The following ZFHX4 variants were observed in gnomAD, a reference collection of about 807,000 sequenced individuals.
ZFHX4 encodes zinc finger homeobox 4, also known as zinc finger homeobox protein 4.
Under a neutral mutation model 267.6 loss-of-function variants are expected in ZFHX4, and 56 were observed. The observed-to-expected ratio is 0.21, with a 90% CI of 0.17 to 0.26. The LOEUF is 0.26. Ranked by LOEUF, ZFHX4 falls within the 10% of genes least tolerant of loss-of-function variation. The probability of loss-of-function intolerance (pLI) is 1.00; values close to 1 mark genes in which losing one functional copy is unlikely to be tolerated. For missense variants in ZFHX4, 4,332 were observed against 4,420.0 expected (o/e 0.98, Z 0.56); for synonymous variants, 1,778 against 1,665.6 (o/e 1.07, Z -1.64).
At chr8:76,823,385 A>G (rs550092700) in intron 4 of ZFHX4, among the ~76,000 whole-genome samples, 2 of 152,316 alleles carry the variant, frequency 1.3e-5, no homozygotes, top group East Asian at 3.9e-4. Context: ...CTGTTTGCTC[A>G]TTAATGAATG....
chr8:76,753,377 CATTAGCA>C (rs1262302787), intron 3 of ZFHX4, among the ~76,000 whole-genome samples: 2 of 152,120 alleles, frequency 1.3e-5, no homozygotes, highest in Non-Finnish European at 2.9e-5. Flanking sequence ...CCCCTGTCTC[CATTAGCA>C]ATTAATTTAT....
At position 76,849,718 on chromosome 8, in the gene ZFHX4, G is replaced by T. The variant is rs1185447253; in HGVS notation, c.3846+6G>T. On this transcript the variant is annotated splice_donor_region_variant and intron_variant, in intron 8 of 10. Coordinates refer to ENST00000651372, the MANE Select transcript of ZFHX4 (RefSeq NM_024721.5). ...TGGAGAAGCTGCTTATGACAGTAAG[G>T]ATACCAAATATTGATGCATGTGTGA... 2.2e-5 allele frequency: 36 copies of T among 1,610,698 alleles called. No individual in the cohort carries two copies. Among genetic ancestry groups the T allele is most frequent in the Non-Finnish European group, 2.8e-5 (33 of 1,177,510 alleles).
At chr8:76,856,528 A>G (rs1315544843) in intron 10 of ZFHX4, among the ~76,000 whole-genome samples, 1 of 152,184 alleles carries the variant, frequency 6.6e-6, no homozygotes, top group African/African-American at 2.4e-5. Context: ...AGATTCTCAG[A>G]TATATATTAA....
chr8:76,831,923 A>T (rs1289588973), intron 4 of ZFHX4, among the ~76,000 whole-genome samples: 2 of 150,446 alleles, frequency 1.3e-5, no homozygotes, highest in Non-Finnish European at 3.0e-5. Context: ...TTTATTTGGA[A>T]GCTACTTGTG....
In ZFHX4 at chr8:76,863,083, G is replaced by A. The variant is rs1210983189; in HGVS notation, c.9380-11G>A. 1.3e-6 allele frequency: 2 copies of A among 1,495,628 alleles called. No homozygotes were observed. The highest frequency in any genetic ancestry group is 2.5e-5 in the East Asian group (1 of 40,550). The allele number at this position is 1,495,628 out of a possible 1,614,324, so 92.6% of individuals were successfully genotyped here. On this transcript the variant is annotated splice_polypyrimidine_tract_variant and intron_variant, in intron 10 of 10. Coordinates refer to ENST00000651372, the MANE Select transcript of ZFHX4 (RefSeq NM_024721.5). ...CATTGACAGTGGCCATCTCTCTGTT[G>A]TTGTTTTCAGCTTTAACACCTCCCG...
intron 4 of ZFHX4, among the ~76,000 whole-genome samples, chr8:76,823,016 A>C (rs191378159): frequency 2.0e-5 from 3 of 152,062 alleles, no homozygotes; most frequent in African/African-American, 7.2e-5. Flanking sequence ...CTCTTGACCT[A>C]ATCTTGGACT....
intron 3 of ZFHX4, among the ~76,000 whole-genome samples, chr8:76,750,916 T>C (rs1448245570): frequency 6.6e-6 from 1 of 152,170 alleles, no homozygotes; most frequent in Admixed American, 6.6e-5. Flanking sequence ...ACGAATTGAT[T>C]ACTGTATTTG....
At chr8:76,793,127 C>A (rs952922387) in intron 4 of ZFHX4, among the ~76,000 whole-genome samples, 6 of 152,094 alleles carry the variant, frequency 3.9e-5, no homozygotes, top group African/African-American at 1.4e-4. Context: ...GGGCATTATT[C>A]TGCTGCTTCT....
At chr8:76,725,623 G>A (rs935734078) in intron 3 of ZFHX4, among the ~76,000 whole-genome samples, 6 of 152,034 alleles carry the variant, frequency 3.9e-5, no homozygotes, top group Admixed American at 6.6e-5. Context: ...CTTATTGATC[G>A]TTACCAGTTG....
intron 10 of ZFHX4, among the ~76,000 whole-genome samples, chr8:76,862,698 C>A (rs1212843507): frequency 6.6e-6 from 1 of 152,068 alleles, no homozygotes; most frequent in African/African-American, 2.4e-5. Flanking sequence ...AGTCTGCCTT[C>A]CCAGAGGTAT....
intron 1 of ZFHX4, among the ~76,000 whole-genome samples, chr8:76,691,889 A>C (rs1392032828): frequency 1.3e-5 from 2 of 152,154 alleles, no homozygotes; most frequent in Non-Finnish European, 2.9e-5. Flanking sequence ...TTGGTAAAGC[A>C]AGTCTACACA....
At chr8:76,825,521 G>T (rs1418958774) in intron 4 of ZFHX4, among the ~76,000 whole-genome samples, 3 of 152,224 alleles carry the variant, frequency 2.0e-5, no homozygotes, top group Non-Finnish European at 4.4e-5. Context: ...TGTAGCAGAA[G>T]TTGGCAATTT....
At chr8:76,728,967 T>C (rs1354674374) in intron 3 of ZFHX4, among the ~76,000 whole-genome samples, 1 of 152,202 alleles carries the variant, frequency 6.6e-6, no homozygotes, top group East Asian at 1.9e-4. Context: ...CTCATGATGA[T>C]GAATACTACC....
At position 76,812,710 on chromosome 8, in the gene ZFHX4, T is replaced by A. The variant is rs1811407817; in HGVS notation, c.3326-20628T>A. Among the ~76,000 whole-genome samples, 3 of 152,156 alleles carry A rather than the reference T, an allele frequency of 2.0e-5. No individual in the cohort carries two copies. The South Asian group carries it at 6.2e-4, about 32-fold the overall frequency. Reference sequence around the variant, plus strand: ...TCTCCATCTTTTAACGTCAATGAGTTAAAGAAAGGAAAGAGTTATATTTTT... The same window carrying A: ...TCTCCATCTTTTAACGTCAATGAGTAAAAGAAAGGAAAGAGTTATATTTTT... On this transcript the variant is annotated intron_variant, in intron 4 of 10. Transcript: ENST00000651372.
At chr8:76,725,694 C>T (rs1016424398) in intron 3 of ZFHX4, among the ~76,000 whole-genome samples, 8 of 152,102 alleles carry the variant, frequency 5.3e-5, no homozygotes, top group African/African-American at 1.9e-4. Context: ...GGGTACTGAT[C>T]AATGCGCAAA....
rs1341728711 is a variant in ZFHX4, at chr8:76,856,278, G to T, written c.9357G>T (p.Pro3119=). The T allele has an allele frequency of 3.7e-6, 6 of 1,613,826 alleles. No homozygotes were observed. Among genetic ancestry groups the T allele is most frequent in the Non-Finnish European group, 5.1e-6 (6 of 1,179,828 alleles). Reference sequence around the variant, plus strand: ...GAATGAACGGTCCATCCTCCTTGCCGGGATTTCCACAAAATTCAAACAGTA... The same window carrying T: ...GAATGAACGGTCCATCCTCCTTGCCTGGATTTCCACAAAATTCAAACAGTA... ...LPGMNGPSSL[P]GFPQNSNTLT... is the part of the protein sequence containing the mutation. The change falls in exon 10 of 11, where the codon CCG becomes CCT. Residue 3119 remains proline, a synonymous_variant. Transcript: ENST00000651372.
intron 4 of ZFHX4, among the ~76,000 whole-genome samples, chr8:76,832,157 A>G (rs1017397381): frequency 6.6e-6 from 1 of 152,176 alleles, no homozygotes; most frequent in Admixed American, 6.6e-5. Context: ...TTGTTTGTTT[A>G]ATTAAAGCCT....
At position 76,856,437 on chromosome 8, in the gene ZFHX4, T is replaced by C; in HGVS notation, c.9379+137T>C. ...ATCAATACATTATTTAAAGTATATA[T>C]TATATTGGCTATAGCTAATTACCAG... On this transcript the variant is annotated intron_variant, in intron 10 of 10. Coordinates refer to ENST00000651372, the MANE Select transcript of ZFHX4 (RefSeq NM_024721.5). 2.9e-6 allele frequency: 3 copies of C among 1,041,482 alleles called. No individual in the cohort carries two copies. The South Asian group carries it at 4.1e-5, about 14-fold the overall frequency. The allele number at this position is 1,041,482 out of a possible 1,614,324, so 64.5% of individuals were successfully genotyped here.
rs1813047701 is a variant in ZFHX4 at position 76,866,856 on chromosome 8, G to T, written c.*2291G>T. 1 of 152,288 alleles carries T rather than the reference G, an allele frequency of 6.6e-6. No homozygotes were observed. 9.4% of individuals were successfully genotyped at this position (152,288 alleles called of 1,614,324 possible). The stretch of plus-strand genomic sequence containing the variant: ...GACGTTGTTAGGGTGAGAAATAAAA[G>T]GACAGCCTCCAAAGGTTGAGAATGA... On this transcript the variant is annotated 3_prime_UTR_variant, in exon 11 of 11. Coordinates refer to ENST00000651372, the MANE Select transcript of ZFHX4 (RefSeq NM_024721.5).
Sources: allele counts gnomAD v4.1 joint callset (sites outside exome capture counted in the v4.1 genomes callset), GRCh38; gene constraint gnomAD v4.1.1; transcripts MANE v1.5; gene names NCBI Gene and HGNC (gene_info 2026-07-23, HGNC 2026-07-21).